The following PDE8A variants were observed in gnomAD, a reference collection of about 807,000 sequenced individuals.
PDE8A encodes the protein high affinity cAMP-specific and IBMX-insensitive 3',5'-cyclic phosphodiesterase 8A.
PDE8A carries 59 observed loss-of-function variants against 105.0 expected under a neutral mutation model. The observed-to-expected ratio is 0.56, with a 90% CI of 0.46 to 0.70. The LOEUF (loss-of-function observed/expected upper bound fraction) is 0.70. Ranked by LOEUF, PDE8A falls within the 30% of genes least tolerant of loss-of-function variation. The pLI is 0.00. For synonymous variants in PDE8A, 355 were observed against 371.9 expected (o/e 0.95, Z 0.52); for missense variants, 1,014 against 1,045.9 (o/e 0.97, Z 0.42).
intron 1 of PDE8A, among the ~76,000 whole-genome samples, chr15:85,053,449 G>T (rs1406927758): frequency 2.0e-5 from 3 of 152,100 alleles, no homozygotes; most frequent in African/African-American, 7.2e-5. Flanking sequence ...CTTCCTATCT[G>T]TGAGCATGGA....
At chr15:85,015,854 C>T (rs1478867329) in intron 1 of PDE8A, among the ~76,000 whole-genome samples, 4 of 152,030 alleles carry the variant, frequency 2.6e-5, no homozygotes, top group Middle Eastern at 3.4e-3. Flanking sequence ...GATGACTTGT[C>T]GGCTGGGCGT....
chr15:85,034,908 A>G (rs1309412085), intron 1 of PDE8A, among the ~76,000 whole-genome samples: 5 of 152,208 alleles, frequency 3.3e-5, no homozygotes, highest in Non-Finnish European at 7.3e-5. Context: ...ATCTAAATAA[A>G]TAAAGGTTGA....
intron 13 of PDE8A, 49 bp from the exon 14 acceptor site, chr15:85,113,824 C>T (rs766880439): frequency 1.8e-4 from 253 of 1,434,062 alleles, no homozygotes; most frequent in East Asian, 2.3e-5. Context: ...CTGGCTCTCC[C>T]ACTGTTTTTA....
At position 85,083,557 on chromosome 15, in the gene PDE8A, G is replaced by C. The variant is rs556659453; in HGVS notation, c.548G>C (p.Arg183Thr). 1.3e-6 allele frequency: 2 copies of C among 1,596,578 alleles called. No homozygotes were observed. Among genetic ancestry groups the C allele is most frequent in the African/African-American group, 1.3e-5 (1 of 74,670 alleles). ...MPFISAGFTRRYVENPNIMAC... is the reference protein window; with the variant it reads ...MPFISAGFTRTYVENPNIMAC... Reference sequence around the variant, plus strand: ...CAAAATTCCTCTTTCTGTTTGTAGAGGTATGTAGAAAACCCCAACATCATG... The same window carrying C: ...CAAAATTCCTCTTTCTGTTTGTAGACGTATGTAGAAAACCCCAACATCATG... Residue 183 changes from arginine (R) to threonine (T), a missense_variant and splice_region_variant, in exon 6 of 22, where the codon AGG (arginine) becomes ACG (threonine). Physicochemically the swap from Arg to Thr is moderately conservative, Grantham distance 71 (BLOSUM62 -1). Coordinates refer to ENST00000394553, the MANE Select transcript of PDE8A (RefSeq NM_002605.3).
chr15:84,991,274 G>A (rs904831474), intron 1 of PDE8A, among the ~76,000 whole-genome samples: 1 of 152,148 alleles, frequency 6.6e-6, no homozygotes, highest in Non-Finnish European at 1.5e-5. Context: ...AGTATTCAGA[G>A]AGGTCCTAAA....
In PDE8A at chr15:85,117,824, C is replaced by G; in HGVS notation, c.1719C>G (p.Ser573=). The G allele has an allele frequency of 6.2e-7, 1 of 1,613,388 alleles. No individual in the cohort carries two copies. The highest frequency in any genetic ancestry group is 2.2e-5 in the East Asian group (1 of 44,878). Residue 573 remains serine, a synonymous_variant, in exon 17 of 22, where the codon TCC becomes TCG. Transcript: ENST00000394553. ...DVLHATAYFL[S]KERIKETLDP... The stretch of plus-strand genomic sequence containing the variant: ...TTCATGCCACTGCCTATTTTCTCTC[C>G]AAGGAGAGGATAAAGGTGAGCTGTT...
rs996437801 is a variant in PDE8A, at chr15:84,986,650, T to C, written c.186+4302T>C. Among the ~76,000 whole-genome samples, 74 of 152,118 alleles carry C rather than the reference T, an allele frequency of 4.9e-4. 1 individual carries two copies. The highest frequency in any genetic ancestry group is 1.5e-5 in the Non-Finnish European group (1 of 68,020). ...TTTTTTAAGACAGCGTCTTGCTTTG[T>C]TACCCAGGCTGGAGTGCAGTGGCAC... On this transcript the variant is annotated intron_variant, in intron 1 of 21. Coordinates refer to ENST00000394553, the MANE Select transcript of PDE8A (RefSeq NM_002605.3).
intron 2 of PDE8A, among the ~76,000 whole-genome samples, chr15:85,065,354 G>C (rs2141454231): frequency 9.7e-6 from 1 of 102,692 alleles, no homozygotes; most frequent in African/African-American, 3.7e-5. Context: ...AGGGGGGAGG[G>C]ATAGCATTGG....
intron 1 of PDE8A, among the ~76,000 whole-genome samples, chr15:85,012,559 GA>G (rs1235685869): frequency 3.1e-5 from 4 of 130,472 alleles, no homozygotes; most frequent in African/African-American, 1.1e-4. Flanking sequence ...GGGTTGGGGG[GA>G]GGGGGGAGGG....
chr15:85,006,770 A>T (rs942656626), intron 1 of PDE8A, among the ~76,000 whole-genome samples: 1 of 151,942 alleles, frequency 6.6e-6, no homozygotes, highest in African/African-American at 2.4e-5. Flanking sequence ...TCACTGAAAT[A>T]GGAGGGAATT....
chr15:85,105,856 T>C (rs977617784), intron 11 of PDE8A, among the ~76,000 whole-genome samples: 5 of 152,082 alleles, frequency 3.3e-5, no homozygotes, highest in Non-Finnish European at 7.4e-5. Flanking sequence ...GGTAGTCTCA[T>C]TGGGATGTAA....
intron 14 of PDE8A, among the ~76,000 whole-genome samples, 180 bp downstream of exon 14, chr15:85,114,217 C>T (rs2082061994): frequency 6.6e-6 from 1 of 152,154 alleles, no homozygotes; most frequent in Non-Finnish European, 1.5e-5. Flanking sequence ...CCACCTGCTG[C>T]CTGCCTCCTA....
At chr15:85,126,524 T>A (rs1567304172) in intron 20 of PDE8A, 150 bp downstream of exon 20, 1 of 444,152 alleles carries the variant, frequency 2.3e-6, no homozygotes, top group Non-Finnish European at 3.7e-6. Flanking sequence ...TGGTAACAAA[T>A]TTTTTTTTTC....
intron 20 of PDE8A, among the ~76,000 whole-genome samples, chr15:85,133,838 T>C (rs997099966): frequency 6.6e-6 from 1 of 152,192 alleles, no homozygotes; most frequent in African/African-American, 2.4e-5. Flanking sequence ...TGAAGCAAGG[T>C]GAAGAGGCAT....
At chr15:84,988,052 C>A (rs1455643573) in intron 1 of PDE8A, among the ~76,000 whole-genome samples, 1 of 152,134 alleles carries the variant, frequency 6.6e-6, no homozygotes, top group African/African-American at 2.4e-5. Flanking sequence ...TTCTTGGATG[C>A]CCTCTGTGTT....
chr15:85,068,102 T>G (rs761069171), intron 3 of PDE8A, among the ~76,000 whole-genome samples: 14 of 152,040 alleles, frequency 9.2e-5, no homozygotes, highest in Non-Finnish European at 1.5e-4. Flanking sequence ...AGTGCAAGGC[T>G]CGATCTCAGC....
intron 1 of PDE8A, among the ~76,000 whole-genome samples, chr15:84,982,550 A>C (rs566327612): frequency 1.1e-4 from 16 of 152,148 alleles, no homozygotes; most frequent in Non-Finnish European, 1.6e-4. Context: ...CGCGACCCTG[A>C]TTTCCTAGGG....
chr15:85,036,439 T>C (rs1270191603), intron 1 of PDE8A, among the ~76,000 whole-genome samples: 1 of 152,198 alleles, frequency 6.6e-6, no homozygotes, highest in Non-Finnish European at 1.5e-5. Flanking sequence ...GCAGAGCCAC[T>C]TTATTCCTAA....
intron 14 of PDE8A, chr15:85,115,200 G>A (rs1178696976): frequency 2.1e-6 from 1 of 473,216 alleles, no homozygotes; most frequent in Non-Finnish European, 3.7e-6. Context: ...CCTTGCTCCT[G>A]AGTTTAGCTT....
Sources: allele counts gnomAD v4.1 joint callset (sites outside exome capture counted in the v4.1 genomes callset), GRCh38; gene constraint gnomAD v4.1.1; transcripts MANE v1.5; gene names NCBI Gene and HGNC (gene_info 2026-07-23, HGNC 2026-07-21).